Variants in PDE3A observed in about 807,000 individuals in gnomAD.
PDE3A encodes cGMP-inhibited 3',5'-cyclic phosphodiesterase 3A.
PDE3A carries 43 observed loss-of-function variants against 98.3 expected under a neutral mutation model. That is an observed-to-expected ratio of 0.44 (90% CI 0.34 to 0.56). The LOEUF (loss-of-function observed/expected upper bound fraction) is 0.56. Among genes scored for constraint, PDE3A ranks in the 20% least tolerant of loss-of-function variants. The pLI, the probability that PDE3A is intolerant of heterozygous loss-of-function variation, is 0.01. For missense variants in PDE3A, 1,427 were observed against 1,440.7 expected (o/e 0.99, Z 0.15); for synonymous variants, 663 against 567.9 (o/e 1.17, Z -2.38).
chr12:20,402,404 C>A (rs749042396), intron 1 of PDE3A, among the ~76,000 whole-genome samples: 6 of 152,040 alleles, frequency 3.9e-5, no homozygotes, highest in East Asian at 3.9e-4. Flanking sequence ...CTGCCTTGGC[C>A]TCCCAAAATG....
chr12:20,660,672 G>C (rs905160238), intron 15 of PDE3A, among the ~76,000 whole-genome samples: 4 of 152,160 alleles, frequency 2.6e-5, no homozygotes, highest in Non-Finnish European at 5.9e-5. Context: ...GAGTTCCTTT[G>C]CACAAGTTCT....
chr12:20,589,453 C>G (rs1943272085), intron 2 of PDE3A, among the ~76,000 whole-genome samples: 1 of 152,106 alleles, frequency 6.6e-6, no homozygotes, highest in African/African-American at 2.4e-5. Context: ...CATCTGAAAT[C>G]AATGACCTGA....
At chr12:20,574,085 T>C (rs951719795) in intron 2 of PDE3A, among the ~76,000 whole-genome samples, 4 of 152,020 alleles carry the variant, frequency 2.6e-5, no homozygotes, top group African/African-American at 9.7e-5. Context: ...TTCACCACAT[T>C]TGCAGCGGGA....
At chr12:20,440,714 A>T (rs1253568460) in intron 1 of PDE3A, among the ~76,000 whole-genome samples, 1 of 152,148 alleles carries the variant, frequency 6.6e-6, no homozygotes. Flanking sequence ...GTTTACAAGG[A>T]TCCTTATCTA....
rs1555159460 is a variant in PDE3A at position 20,545,786 on chromosome 12, A to AAAC, written c.961-10872_961-10871insCAA. Among the ~76,000 whole-genome samples the AAAC allele has an allele frequency of 1.2e-3, 184 of 149,354 alleles. 2 individuals carry two copies. Among genetic ancestry groups the AAAC allele is most frequent in the South Asian group, 5.9e-3 (28 of 4,734 alleles). On this transcript the variant is annotated intron_variant, in intron 1 of 15. Coordinates refer to ENST00000359062, the MANE Select transcript of PDE3A (RefSeq NM_000921.5). ...AAGAGGTAGTGGCTGCCAAAAAAAA[A>AAAC]AAAACAAAACAAAACAAAACAAAAA... is the stretch of plus-strand genomic sequence containing the variant.
chr12:20,642,619 GATTTA>G (rs1443593166), intron 10 of PDE3A, among the ~76,000 whole-genome samples: 1 of 152,118 alleles, frequency 6.6e-6, no homozygotes, highest in African/African-American at 2.4e-5. Context: ...CTCTCATTCT[GATTTA>G]AGTTTGAGAA....
At chr12:20,593,002 T>C (rs60923753) in intron 2 of PDE3A, among the ~76,000 whole-genome samples, 21,637 of 152,176 alleles carry the variant, frequency 0.14, 1,591 homozygotes, top group Middle Eastern at 0.22. Context: ...CAAAAATTGT[T>C]CTCAAATGCA....
chr12:20,668,504 G>C (rs555812292), intron 15 of PDE3A, among the ~76,000 whole-genome samples: 3 of 152,300 alleles, frequency 2.0e-5, no homozygotes, highest in South Asian at 4.1e-4. Context: ...GGAGATCTGA[G>C]AACAGGCAGA....
At position 20,535,837 on chromosome 12, in the gene PDE3A, AAT is replaced by A. The variant is rs147785435; in HGVS notation, c.961-20820_961-20819del. 2.6e-3 allele frequency among the ~76,000 whole-genome samples: 397 copies of A among 152,282 alleles called. 1 individual carries two copies. The highest frequency in any genetic ancestry group is 4.6e-3 in the Non-Finnish European group (312 of 67,988). On this transcript the variant is annotated intron_variant, in intron 1 of 15. Transcript: ENST00000359062. The stretch of plus-strand genomic sequence containing the variant: ...ATTTGGAGAATTATTCGATTAATAA[AAT>A]ATGTTTTATACATATTAATGCTGAA...
At chr12:20,533,583 G>C (rs1370231674) in intron 1 of PDE3A, among the ~76,000 whole-genome samples, 3 of 149,680 alleles carry the variant, frequency 2.0e-5, no homozygotes, top group African/African-American at 7.4e-5. Context: ...CCGGGTTCCC[G>C]CCATTCTCCT....
Position 20,685,593 on chromosome 12 carries a change from CAA to C in PDE3A, c.*5325_*5326del, listed in dbSNP as rs984992929. On this transcript the variant is annotated 3_prime_UTR_variant, in exon 16 of 16. Transcript: ENST00000359062. The stretch of plus-strand genomic sequence containing the variant: ...TATAGAATTATATATAAATGGAAAA[CAA>C]AATTAGCTTTTGACATATGTTTAAG... 6.6e-6 allele frequency among the ~76,000 whole-genome samples: 1 copy of C among 151,808 alleles called. No homozygotes were observed. The highest frequency in any genetic ancestry group is 6.6e-5 in the Admixed American group (1 of 15,222).
At chr12:20,421,858 T>C (rs1201784038) in intron 1 of PDE3A, among the ~76,000 whole-genome samples, 1 of 152,140 alleles carries the variant, frequency 6.6e-6, no homozygotes, top group Non-Finnish European at 1.5e-5. Context: ...GGAAAATATT[T>C]GGAAAATTCA....
chr12:20,423,696 C>G (rs2120768000), intron 1 of PDE3A, among the ~76,000 whole-genome samples: 1 of 152,220 alleles, frequency 6.6e-6, no homozygotes, highest in Non-Finnish European at 1.5e-5. Flanking sequence ...TCTTATACCA[C>G]CGGTATTACC....
chr12:20,601,838 A>AGAT (rs1046528128), intron 2 of PDE3A, among the ~76,000 whole-genome samples: 2 of 152,098 alleles, frequency 1.3e-5, no homozygotes, highest in Non-Finnish European at 2.9e-5. Flanking sequence ...GTTTTAAAAG[A>AGAT]GATGGTCAGA....
chr12:20,599,964 C>T, intron 2 of PDE3A, among the ~76,000 whole-genome samples: 1 of 152,164 alleles, frequency 6.6e-6, no homozygotes. Context: ...ACTAATCTCT[C>T]AAACACTGAT....
chr12:20,521,501 T>A lies in PDE3A; in HGVS notation c.961-35159T>A, dbSNP rs1176908411. Among the ~76,000 whole-genome samples the A allele has an allele frequency of 2.0e-5, 3 of 152,332 alleles. No individual in the cohort carries two copies. In the East Asian group the frequency reaches 5.8e-4, roughly 29 times the overall value. ...TCTTATCAGTGTGTTTCATAGTGAT[T>A]GGTAATGCCCAGATTTCCAATTTGA... On this transcript the variant is annotated intron_variant, in intron 1 of 15. Transcript: ENST00000359062.
intron 8 of PDE3A, among the ~76,000 whole-genome samples, chr12:20,635,288 C>G (rs1944477889): frequency 6.6e-6 from 1 of 152,048 alleles, no homozygotes; most frequent in Admixed American, 6.6e-5. Context: ...CAGGCATAGC[C>G]AGGTGCAGTG....
At chr12:20,601,281 T>C (rs1327661175) in intron 2 of PDE3A, among the ~76,000 whole-genome samples, 1 of 152,176 alleles carries the variant, frequency 6.6e-6, no homozygotes, top group African/African-American at 2.4e-5. Context: ...CTTGCTTTCG[T>C]TTCTGCTGTT....
chr12:20,680,267 A>G lies in PDE3A; in HGVS notation c.3422A>G (p.Gln1141Arg). 2 of 1,613,868 alleles carry G rather than the reference A, an allele frequency of 1.2e-6. No individual in the cohort carries two copies. The highest frequency in any genetic ancestry group is 8.5e-7 in the Non-Finnish European group (1 of 1,179,824). ...GAGATACCAACCCAAAAGCCAGACC[A>G]GTGACAATGGATAGAATGGGCTGTG... ...GEEIPTQKPD[Q>R] Residue 1141 changes from glutamine to arginine, a missense_variant, in exon 16 of 16, where the codon CAG (glutamine) becomes CGG (arginine). Physicochemically the swap from Gln to Arg is conservative, Grantham distance 43. Around this residue, in one of 3 missense-constraint regions of PDE3A, gnomAD observed 142 missense variants for 133.9 expected, o/e 1.06. Coordinates refer to ENST00000359062, the MANE Select transcript of PDE3A (RefSeq NM_000921.5).
Sources: allele counts gnomAD v4.1 joint callset (sites outside exome capture counted in the v4.1 genomes callset), GRCh38; gene constraint gnomAD v4.1.1; regional missense constraint gnomAD v4.1.1; transcripts MANE v1.5; gene names NCBI Gene and HGNC (gene_info 2026-07-23, HGNC 2026-07-21).